The following NPAS3 variants were observed in gnomAD, a reference collection of about 807,000 sequenced individuals.
NPAS3 encodes neuronal PAS domain protein 3, also known as neuronal PAS domain-containing protein 3.
A neutral mutation model predicts 73.1 loss-of-function variants in NPAS3; 14 were observed. That is an observed-to-expected ratio of 0.19 (90% CI 0.13 to 0.30). The LOEUF (loss-of-function observed/expected upper bound fraction) is 0.30, where lower values mean the gene tolerates loss of function less well. Among genes scored for constraint, NPAS3 ranks in the 10% least tolerant of loss-of-function variants. The pLI, the probability that NPAS3 is intolerant of heterozygous loss-of-function variation, is 1.00. For synonymous variants in NPAS3, 620 were observed against 541.5 expected, an observed-to-expected ratio of 1.14 and a Z score of -2.01; for missense variants, 1,096 against 1,250.0, an observed-to-expected ratio of 0.88 and a Z score of 1.86.
chr14:32,953,472 G>A (rs2036563789), intron 1 of NPAS3, among the ~76,000 whole-genome samples: 1 of 152,146 alleles, frequency 6.6e-6, no homozygotes, highest in Non-Finnish European at 1.5e-5. Flanking sequence ...CATCAGTGTT[G>A]TAGCAGTCAG....
At chr14:33,114,417 C>A (rs1269233966) in intron 2 of NPAS3, among the ~76,000 whole-genome samples, 1 of 152,050 alleles carries the variant, frequency 6.6e-6, no homozygotes, top group East Asian at 1.9e-4. Flanking sequence ...TCATTTAAAA[C>A]CAAATGCATA....
rs117256946 is a variant in NPAS3, at chr14:33,110,967, G to A, written c.140+54973G>A. Among the ~76,000 whole-genome samples, 7 of 152,224 alleles carry A rather than the reference G, an allele frequency of 4.6e-5. No homozygotes were observed. The East Asian group carries it at 1.4e-3, about 29-fold the overall frequency. On this transcript the variant is annotated intron_variant, in intron 2 of 11. Transcript: ENST00000356141. ...CAAGAGAGAGGTTGGGATGGAGGGA[G>A]CTAAAACTGACAGATGGAGAGGAGA...
chr14:33,636,697 C>T (rs911559704), intron 5 of NPAS3, among the ~76,000 whole-genome samples: 1 of 152,202 alleles, frequency 6.6e-6, no homozygotes, highest in Non-Finnish European at 1.5e-5. Context: ...CAAACGCACA[C>T]CAGTCAGACT....
intron 2 of NPAS3, among the ~76,000 whole-genome samples, chr14:33,180,279 G>A (rs2139434189): frequency 6.6e-6 from 1 of 152,046 alleles, no homozygotes; most frequent in Non-Finnish European, 1.5e-5. Flanking sequence ...AGTCTTCTCA[G>A]GTTTTCCAAG....
intron 7 of NPAS3, among the ~76,000 whole-genome samples, chr14:33,763,373 T>C (rs928313376): frequency 2.6e-5 from 4 of 152,228 alleles, no homozygotes; most frequent in Non-Finnish European, 5.9e-5. Context: ...GAAGAAAATG[T>C]CCTGTGCTAA....
intron 6 of NPAS3, among the ~76,000 whole-genome samples, chr14:33,732,604 C>T (rs1034945408): frequency 1.3e-5 from 2 of 152,172 alleles, no homozygotes; most frequent in Admixed American, 6.5e-5. Context: ...AGAAACCAGT[C>T]TCTTTCTGGG....
At chr14:33,147,589 C>CGAG (rs1566609869) in intron 2 of NPAS3, among the ~76,000 whole-genome samples, 4 of 134,738 alleles carry the variant, frequency 3.0e-5, no homozygotes, top group Non-Finnish European at 6.4e-5. Flanking sequence ...GTTGTGGGGT[C>CGAG]GGGGGAGGGA....
chr14:33,655,585 T>C (rs535614691), intron 5 of NPAS3, among the ~76,000 whole-genome samples: 2 of 152,288 alleles, frequency 1.3e-5, no homozygotes, highest in African/African-American at 4.8e-5. Context: ...ACCGGAAATT[T>C]TACAAATGCA....
intron 1 of NPAS3, among the ~76,000 whole-genome samples, chr14:33,000,071 C>T (rs1009677703): frequency 1.3e-5 from 2 of 152,160 alleles, no homozygotes; most frequent in African/African-American, 4.8e-5. Context: ...ATGGTAGCAC[C>T]ATGCCATATG....
chr14:33,626,606 C>T (rs2058226968), intron 5 of NPAS3, among the ~76,000 whole-genome samples: 1 of 152,126 alleles, frequency 6.6e-6, no homozygotes, highest in African/African-American at 2.4e-5. Context: ...TGCTAGCCTG[C>T]ATTAAACTAA....
intron 5 of NPAS3, among the ~76,000 whole-genome samples, chr14:33,603,459 C>T (rs757440368): frequency 3.9e-5 from 6 of 152,052 alleles, no homozygotes; most frequent in Non-Finnish European, 7.4e-5. Context: ...TGGATTAGAA[C>T]TACAAACCTA....
intron 5 of NPAS3, among the ~76,000 whole-genome samples, chr14:33,626,814 C>A (rs1382647441): frequency 6.6e-6 from 1 of 151,980 alleles, no homozygotes; most frequent in Non-Finnish European, 1.5e-5. Context: ...TTTAGGTTAT[C>A]CATACAAAGG....
At chr14:33,262,852 T>G (rs1404018136) in intron 3 of NPAS3, among the ~76,000 whole-genome samples, 1 of 152,228 alleles carries the variant, frequency 6.6e-6, no homozygotes, top group Non-Finnish European at 1.5e-5. Context: ...GTGGTTTTGA[T>G]TTGCATTTCT....
intron 5 of NPAS3, chr14:33,582,263 A>G (rs1366003286): frequency 6.6e-6 from 1 of 152,236 alleles, no homozygotes; most frequent in Admixed American, 6.5e-5. Context: ...ATTTTTTAAT[A>G]AATTGAAGGT....
chr14:33,783,543 G>A (rs2063046639), intron 9 of NPAS3, among the ~76,000 whole-genome samples: 2 of 133,748 alleles, frequency 1.5e-5, no homozygotes. Context: ...ATAAAGGCAG[G>A]TTTTTATGCA....
chr14:32,968,558 T>C (rs546145976), intron 1 of NPAS3, among the ~76,000 whole-genome samples: 26 of 152,332 alleles, frequency 1.7e-4, no homozygotes, highest in African/African-American at 6.3e-4. Context: ...ATTACTTGTT[T>C]TCTAAATCCA....
chr14:33,800,398 C>T lies in NPAS3; in HGVS notation c.2091C>T (p.Gly697=), dbSNP rs1328116992. 9 of 1,592,118 alleles carry T rather than the reference C, an allele frequency of 5.7e-6. No individual in the cohort carries two copies. The East Asian group carries it at 7.0e-5, about 12-fold the overall frequency. ...AGCACTTCCCGTCCCCGCAGGGCGG[C>T]GGCGGTGGGGGTGGCGGTGGCGGGG... Residue 697 remains glycine, a synonymous_variant, in exon 12 of 12, where the codon GGC becomes GGT. Coordinates refer to ENST00000356141, the Ensembl canonical transcript of NPAS3. The surrounding 1 kb of genome is among the most constrained non-coding windows in gnomAD (Gnocchi z 6.5).
intron 7 of NPAS3, among the ~76,000 whole-genome samples, chr14:33,761,284 G>A (rs1218708992): frequency 6.6e-6 from 1 of 152,174 alleles, no homozygotes; most frequent in Non-Finnish European, 1.5e-5. Flanking sequence ...TACACTGGCA[G>A]AGAGAGGAAA....
At chr14:33,556,459 G>A (rs189880959) in intron 4 of NPAS3, among the ~76,000 whole-genome samples, 118 of 152,274 alleles carry the variant, frequency 7.7e-4, no homozygotes, top group Non-Finnish European at 4.4e-4. Flanking sequence ...AGTCATTATG[G>A]TATTTGTGAT....
Sources: gnomAD v4.1 joint callset for allele counts (sites outside exome capture counted in the v4.1 genomes callset) on GRCh38, gnomAD v4.1.1 for gene constraint, Gnocchi (gnomAD v3.1) non-coding constraint, MANE v1.5 for transcripts, NCBI Gene and HGNC (gene_info 2026-07-23, HGNC 2026-07-21) for gene names.